Variants in PLXNA4 observed in about 807,000 individuals in gnomAD.
The protein encoded by PLXNA4 is plexin-A4.
In PLXNA4, 44 loss-of-function variants were observed where a neutral mutation model predicts 191.8. The ratio of observed to expected loss-of-function variants is 0.23; its 90% CI spans 0.18 to 0.29. The LOEUF is 0.29. Ranked by LOEUF, PLXNA4 falls within the 10% of genes least tolerant of loss-of-function variation. The probability of loss-of-function intolerance (pLI) is 1.00; values close to 1 mark genes in which losing one functional copy is unlikely to be tolerated. For missense variants in PLXNA4, 1,800 were observed against 2,488.8 expected (o/e 0.72, Z 5.89); for synonymous variants, 1,082 against 1,009.5 (o/e 1.07, Z -1.36).
At chr7:132,620,526 T>C (rs1803239985) in intron 2 of PLXNA4, among the ~76,000 whole-genome samples, 1 of 152,186 alleles carries the variant, frequency 6.6e-6, no homozygotes, top group Admixed American at 6.5e-5. Flanking sequence ...AAAAGTCTCC[T>C]TAATTACCAT....
intron 14 of PLXNA4, among the ~76,000 whole-genome samples, chr7:132,191,874 C>T (rs1208384870): frequency 6.7e-6 from 1 of 149,302 alleles, no homozygotes; most frequent in Admixed American, 6.7e-5. Context: ...GCTTTATATA[C>T]AAATATATAT....
chr7:132,282,467 G>T (rs1268976671), intron 4 of PLXNA4, among the ~76,000 whole-genome samples: 1 of 151,846 alleles, frequency 6.6e-6, no homozygotes, highest in African/African-American at 2.4e-5. Context: ...TGCATGCCCT[G>T]ATGCACACCT....
In PLXNA4 at chr7:132,529,607, C is replaced by CTT. The variant is rs35449894; in HGVS notation, c.-86-20830_-86-20829dup. On this transcript the variant is annotated intron_variant, in intron 1 of 31. Transcript: ENST00000321063. Reference sequence around the variant, plus strand: ...TTTAAAAGCTTCCCAAATAGGTATTCTTTTTTTTTTTTTTTTGAGACGGAG... The same window carrying CTT: ...TTTAAAAGCTTCCCAAATAGGTATTCTTTTTTTTTTTTTTTTTTGAGACGGAG... Among the ~76,000 whole-genome samples the CTT allele has an allele frequency of 8.1e-3, 1,100 of 136,130 alleles. 14 individuals carry two copies. Among genetic ancestry groups the CTT allele is most frequent in the Middle Eastern group, 0.02 (5 of 256 alleles). 89.3% of individuals were successfully genotyped at this position (136,130 alleles called of 152,430 possible).
At chr7:132,458,808 AT>A (rs1796397884) in intron 3 of PLXNA4, among the ~76,000 whole-genome samples, 1 of 152,164 alleles carries the variant, frequency 6.6e-6, no homozygotes, top group Admixed American at 6.5e-5. Context: ...TGACAGTGCA[AT>A]AAAAAGTTAC....
At chr7:132,525,793 G>A (rs1023284904) in intron 1 of PLXNA4, among the ~76,000 whole-genome samples, 1 of 152,136 alleles carries the variant, frequency 6.6e-6, no homozygotes, top group Non-Finnish European at 1.5e-5. Flanking sequence ...CCCTGAAAGG[G>A]TCCCCTATTA....
chr7:132,357,935 A>G (rs1394479501), intron 3 of PLXNA4, among the ~76,000 whole-genome samples: 1 of 152,244 alleles, frequency 6.6e-6, no homozygotes, highest in Admixed American at 6.5e-5. Flanking sequence ...AAGTCAGCGA[A>G]AGGAATTACA....
intron 2 of PLXNA4, among the ~76,000 whole-genome samples, chr7:132,495,066 C>A (rs2117567877): frequency 6.6e-6 from 1 of 152,336 alleles, no homozygotes; most frequent in South Asian, 2.1e-4. Context: ...ACTCTGACAG[C>A]CACATCAATC....
intron 3 of PLXNA4, among the ~76,000 whole-genome samples, chr7:132,446,450 A>G (rs1367274407): frequency 1.3e-5 from 2 of 152,198 alleles, no homozygotes; most frequent in African/African-American, 4.8e-5. Context: ...GGTGGAACTC[A>G]TGGATTCCAC....
Position 132,559,708 on chromosome 7 carries a change from G to A in PLXNA4, c.-87+16714C>T, listed in dbSNP as rs147832418. ...ACATGAACACTGTAATGGAACACAG[G>A]AGCCCATGTCTACATCTCCTACAAC... On this transcript the variant is annotated intron_variant, in intron 1 of 31. Transcript: ENST00000321063. 1.2e-3 allele frequency among the ~76,000 whole-genome samples: 188 copies of A among 152,326 alleles called. 1 individual carries two copies. In the Middle Eastern group the frequency reaches 0.017, roughly 14 times the overall value.
At chr7:132,518,177 C>T (rs1563147562) in intron 1 of PLXNA4, among the ~76,000 whole-genome samples, 3 of 152,184 alleles carry the variant, frequency 2.0e-5, no homozygotes, top group East Asian at 1.9e-4. Flanking sequence ...CCATTCGTCC[C>T]GGCCTTCACT....
At chr7:132,145,915 C>CAAA (rs397778925) in intron 28 of PLXNA4, among the ~76,000 whole-genome samples, 18 of 92,362 alleles carry the variant, frequency 1.9e-4, no homozygotes, top group African/African-American at 3.5e-4. Context: ...ACTAAAAATA[C>CAAA]AAAAAAAAAA....
At chr7:132,164,035 G>A (rs891429967) in intron 24 of PLXNA4, 107 bp downstream of exon 24, 5 of 1,517,662 alleles carry the variant, frequency 3.3e-6, no homozygotes, top group Non-Finnish European at 4.4e-6. Flanking sequence ...AGACACACCT[G>A]GAGAGGCAGC....
intron 3 of PLXNA4, among the ~76,000 whole-genome samples, chr7:132,454,983 C>T (rs917716382): frequency 1.3e-5 from 2 of 152,194 alleles, no homozygotes; most frequent in African/African-American, 4.8e-5. Flanking sequence ...CTCGATGGGG[C>T]CAATGCTGGC....
chr7:132,197,972 A>G (rs1018535667), intron 13 of PLXNA4, among the ~76,000 whole-genome samples: 2 of 152,156 alleles, frequency 1.3e-5, no homozygotes, highest in Admixed American at 1.3e-4. Context: ...CTCCTCTACT[A>G]GGTGGGTTAC....
chr7:132,245,874 C>A (rs1414811585), intron 4 of PLXNA4, among the ~76,000 whole-genome samples: 1 of 152,096 alleles, frequency 6.6e-6, no homozygotes, highest in Non-Finnish European at 1.5e-5. Context: ...TGTGAGGTGC[C>A]TAGAGTAGTC....
At chr7:132,145,445 C>A in intron 28 of PLXNA4, 157 bp from the exon 29 acceptor site, 1 of 987,928 alleles carries the variant, frequency 1.0e-6, no homozygotes, top group Non-Finnish European at 1.5e-6. Context: ...CATTTTTTCC[C>A]ATTTCATCTG....
intron 4 of PLXNA4, among the ~76,000 whole-genome samples, chr7:132,276,037 C>T (rs575373123): frequency 2.0e-5 from 3 of 152,316 alleles, no homozygotes; most frequent in Admixed American, 1.3e-4. Context: ...CCCTTAGTCC[C>T]AGTTTCTCTC....
intron 3 of PLXNA4, among the ~76,000 whole-genome samples, chr7:132,471,596 C>T (rs1259162506): frequency 6.6e-6 from 1 of 152,172 alleles, no homozygotes; most frequent in Non-Finnish European, 1.5e-5. Flanking sequence ...CTGTTCTCTC[C>T]TCTCTCCAGT....
At chr7:132,499,437 A>C (rs1798158924) in intron 2 of PLXNA4, among the ~76,000 whole-genome samples, 1 of 152,170 alleles carries the variant, frequency 6.6e-6, no homozygotes, top group African/African-American at 2.4e-5. Context: ...AACAACCAAA[A>C]CCTACTGGGG....
Sources: allele counts gnomAD v4.1 joint callset (sites outside exome capture counted in the v4.1 genomes callset), GRCh38; gene constraint gnomAD v4.1.1; transcripts MANE v1.5; gene names NCBI Gene and HGNC (gene_info 2026-07-23, HGNC 2026-07-21).